Variants in CYBRD1 observed in about 807,000 individuals in gnomAD.
CYBRD1 encodes plasma membrane ascorbate-dependent reductase CYBRD1.
CYBRD1 carries 14 observed loss-of-function variants against 21.9 expected under a neutral mutation model. That is an observed-to-expected ratio of 0.64 (90% CI 0.42 to 1.00). CYBRD1 has a LOEUF of 1.00. Among genes scored for constraint, CYBRD1 ranks in the 50% least tolerant of loss-of-function variants. CYBRD1 has a pLI of 0.00. For synonymous variants in CYBRD1, 146 were observed against 136.5 expected, an observed-to-expected ratio of 1.07 and a Z score of -0.48; for missense variants, 328 against 352.5, an observed-to-expected ratio of 0.93 and a Z score of 0.56.
At chr2:171,528,001 T>C (rs1333031928) in intron 1 of CYBRD1, among the ~76,000 whole-genome samples, 3 of 152,176 alleles carry the variant, frequency 2.0e-5, no homozygotes, top group Non-Finnish European at 4.4e-5. Flanking sequence ...CTAATTCCAT[T>C]GGTCAATTCT....
At position 171,522,690 on chromosome 2, in the gene CYBRD1, T is replaced by C; in HGVS notation, c.145T>C (p.Trp49Arg). ...GGATGGGAGCGCACTAGAGTTTAACTGGCACCCAGTGCTCATGGTCACCGG... is the reference window on the plus strand; with the variant it reads ...GGATGGGAGCGCACTAGAGTTTAACCGGCACCCAGTGCTCATGGTCACCGG... ...GWDGSALEFN[W>R]HPVLMVTGFV... Residue 49 changes from tryptophan to arginine, a missense_variant, in exon 1 of 4, where the codon TGG becomes CGG. By Grantham distance (101) the Trp-to-Arg change is moderately radical (BLOSUM62 -3). Coordinates refer to ENST00000321348, the MANE Select transcript of CYBRD1 (RefSeq NM_024843.4). This position sits in a 1 kb window ranked among gnomAD's most constrained non-coding sequence, Gnocchi z 4.3. 6.2e-7 allele frequency: 1 copy of C among 1,613,514 alleles called. No individual in the cohort carries two copies. The highest frequency in any genetic ancestry group is 8.5e-7 in the Non-Finnish European group (1 of 1,179,920).
At chr2:171,528,239 C>T (rs571381463) in intron 1 of CYBRD1, among the ~76,000 whole-genome samples, 98 of 152,208 alleles carry the variant, frequency 6.4e-4, no homozygotes, top group Middle Eastern at 3.4e-3. Context: ...GTATGCACCA[C>T]GATGCCCAGC....
intron 2 of CYBRD1, among the ~76,000 whole-genome samples, chr2:171,551,628 C>T (rs534970602): frequency 2.6e-5 from 4 of 152,170 alleles, no homozygotes; most frequent in African/African-American, 4.8e-5. Context: ...ATTTGAGAAC[C>T]GACATCTGTA....
rs575557818 is a variant in CYBRD1 at position 171,523,677 on chromosome 2, G to A, written c.193+939G>A. Among the ~76,000 whole-genome samples the A allele has an allele frequency of 6.6e-5, 10 of 152,198 alleles. No homozygotes were observed. In the South Asian group the frequency reaches 2.1e-3, roughly 32 times the overall value. On this transcript the variant is annotated intron_variant, in intron 1 of 3. Transcript: ENST00000321348. ...CTGCATTCTCTGGGCTGAGGCTGGC[G>A]CGGGGGAGGGGCTCAGCAGTCGCTG...
chr2:171,547,202 CAAAATAAA>C (rs1476526339), intron 2 of CYBRD1, among the ~76,000 whole-genome samples: 1 of 151,912 alleles, frequency 6.6e-6, no homozygotes, highest in Non-Finnish European at 1.5e-5. Context: ...AGGAGATAAG[CAAAATAAA>C]GTCTGAAAAC....
At position 171,541,597 on chromosome 2, in the gene CYBRD1, A is replaced by G. The variant is rs1268242573; in HGVS notation, c.206A>G (p.Tyr69Cys). 1 of 1,614,004 alleles carries G rather than the reference A, an allele frequency of 6.2e-7. No homozygotes were observed. The highest frequency in any genetic ancestry group is 1.7e-5 in the Admixed American group (1 of 60,016). Residue 69 changes from tyrosine (Y) to cysteine (C), a missense_variant, in exon 2 of 4, where the codon TAC becomes TGC. Transcript: ENST00000321348. ...CGTCTTTCCCTAGCCATCATCGTCT[A>G]CAGACTGCCGTGGACCTGGAAATGC... ...VFIQGIAIIV[Y>C]RLPWTWKCSK...
chr2:171,536,782 T>C (rs1182879870), intron 1 of CYBRD1, among the ~76,000 whole-genome samples: 1 of 152,238 alleles, frequency 6.6e-6, no homozygotes, highest in Non-Finnish European at 1.5e-5. Context: ...TTGGGAATTT[T>C]TGATATAATA....
At chr2:171,541,861 CTTTTTT>C (rs57998592) in intron 2 of CYBRD1, 68 bp downstream of exon 2, 331 of 740,046 alleles carry the variant, frequency 4.5e-4, no homozygotes, top group East Asian at 1.3e-3. Flanking sequence ...GTTTTCTTTT[CTTTTTT>C]TTTTTTTTTT....
Position 171,553,439 on chromosome 2 carries a change from A to G in CYBRD1, c.496A>G (p.Ile166Val). The G allele has an allele frequency of 6.8e-6, 11 of 1,613,690 alleles. No individual in the cohort carries two copies. The highest frequency in any genetic ancestry group is 9.3e-6 in the Non-Finnish European group (11 of 1,179,788). ...CATACATGTTTATTCTGGAATTGTC[A>G]TCTTTGGAACAGTGATTGCAACAGC... ...MPIHVYSGIV[I>V]FGTVIATALM... is the part of the protein sequence containing the mutation. Residue 166 changes from isoleucine to valine, a missense_variant, in exon 3 of 4, where the codon ATC becomes GTC. By Grantham distance (29) the Ile-to-Val change is conservative. Coordinates refer to ENST00000321348, the MANE Select transcript of CYBRD1 (RefSeq NM_024843.4).
intron 2 of CYBRD1, among the ~76,000 whole-genome samples, chr2:171,550,106 TTTG>T (rs781252343): frequency 3.9e-5 from 6 of 152,100 alleles, no homozygotes; most frequent in Admixed American, 2.6e-4. Context: ...TTTTTATTTT[TTTG>T]TTGTTGTTGT....
At chr2:171,550,552 TAA>T (rs780605854) in intron 2 of CYBRD1, among the ~76,000 whole-genome samples, 45 of 152,148 alleles carry the variant, frequency 3.0e-4, no homozygotes, top group Non-Finnish European at 3.8e-4. Flanking sequence ...TTATAAATTA[TAA>T]GTTATTATAA....
intron 2 of CYBRD1, among the ~76,000 whole-genome samples, chr2:171,542,948 A>G (rs765028277): frequency 4.6e-5 from 7 of 152,232 alleles, no homozygotes; most frequent in Non-Finnish European, 7.3e-5. Flanking sequence ...TATAGGCTTA[A>G]ATGCTTTTAT....
At chr2:171,523,559 C>T (rs953892519) in intron 1 of CYBRD1, among the ~76,000 whole-genome samples, 1 of 152,194 alleles carries the variant, frequency 6.6e-6, no homozygotes, top group African/African-American at 2.4e-5. Flanking sequence ...CGGAGAGGGC[C>T]CGCGGCTGCC....
chr2:171,546,342 G>A (rs925698393), intron 2 of CYBRD1, among the ~76,000 whole-genome samples: 13 of 152,100 alleles, frequency 8.5e-5, no homozygotes, highest in African/African-American at 3.1e-4. Flanking sequence ...TGCATCTAAA[G>A]GTCCAGCCCA....
intron 1 of CYBRD1, among the ~76,000 whole-genome samples, chr2:171,535,397 C>T (rs1264120040): frequency 2.0e-5 from 3 of 152,300 alleles, no homozygotes; most frequent in Admixed American, 1.3e-4. Context: ...AGCTAGCGTG[C>T]AGCCAATTTG....
chr2:171,544,248 G>A (rs746261249), intron 2 of CYBRD1, among the ~76,000 whole-genome samples: 28 of 152,042 alleles, frequency 1.8e-4, no homozygotes, highest in South Asian at 4.2e-4. Context: ...ATTCTATATC[G>A]AATTCTTTTT....
At position 171,554,846 on chromosome 2, in the gene CYBRD1, CCA is replaced by C. The variant is rs758813938; in HGVS notation, c.*20_*21del. On this transcript the variant is annotated 3_prime_UTR_variant, in exon 4 of 4. Coordinates refer to ENST00000321348, the MANE Select transcript of CYBRD1 (RefSeq NM_024843.4). ...CATGTAAAATGTTGTAGAGATAGAGCCATATAACGTCACGTTTCAAAACTAGC... is the reference window on the plus strand; with the variant it reads ...CATGTAAAATGTTGTAGAGATAGAGCTATAACGTCACGTTTCAAAACTAGC... 7.1e-5 allele frequency: 114 copies of C among 1,611,428 alleles called. No homozygotes were observed. The highest frequency in any genetic ancestry group is 9.5e-5 in the Non-Finnish European group (112 of 1,179,382).
In CYBRD1 at chr2:171,557,131, C is replaced by T. The variant is rs1341603462; in HGVS notation, c.*2304C>T. ...AATTTCTTTTCTATCTTTATGAAAACAACGTATATAAAATATATCTAGAAA... is the reference window on the plus strand; with the variant it reads ...AATTTCTTTTCTATCTTTATGAAAATAACGTATATAAAATATATCTAGAAA... On this transcript the variant is annotated 3_prime_UTR_variant, in exon 4 of 4. Transcript: ENST00000321348. 1 of 152,672 alleles carries T rather than the reference C, an allele frequency of 6.5e-6. No individual in the cohort carries two copies. The highest frequency in any genetic ancestry group is 1.9e-4 in the East Asian group (1 of 5,182). The allele number at this position is 152,672 out of a possible 1,614,324, so 9.5% of individuals were successfully genotyped here.
At chr2:171,528,982 G>T (rs1467894190) in intron 1 of CYBRD1, among the ~76,000 whole-genome samples, 2 of 152,262 alleles carry the variant, frequency 1.3e-5, no homozygotes, top group African/African-American at 4.8e-5. Flanking sequence ...TTAATTTATT[G>T]TCTGTCTTCT....
Sources: gnomAD v4.1 joint callset for allele counts (sites outside exome capture counted in the v4.1 genomes callset) on GRCh38, gnomAD v4.1.1 for gene constraint, Gnocchi (gnomAD v3.1) non-coding constraint, MANE v1.5 for transcripts, NCBI Gene and HGNC (gene_info 2026-07-23, HGNC 2026-07-21) for gene names.